The following AR variants were observed in gnomAD, a reference collection of about 807,000 sequenced individuals.
AR encodes androgen receptor, also known as dihydrotestosterone receptor.
AR carries 8 observed loss-of-function variants against 53.9 expected under a neutral mutation model. The observed-to-expected ratio is 0.15, with a 90% confidence interval of 0.09 to 0.27. The LOEUF (loss-of-function observed/expected upper bound fraction) is 0.27, where lower values mean the gene tolerates loss of function less well. Ranked by LOEUF, AR falls within the 10% of genes least tolerant of loss-of-function variation. The pLI, the probability that AR is intolerant of heterozygous loss-of-function variation, is 1.00. For missense variants in AR, 639 were observed against 742.5 expected, an observed-to-expected ratio of 0.86 and a Z score of 1.62; for synonymous variants, 359 against 316.4, an observed-to-expected ratio of 1.13 and a Z score of -1.43.
chrX:67,645,593 A>T (rs1476699219), intron 2 of AR, among the ~76,000 whole-genome samples: 5 of 111,481 alleles, frequency 4.5e-5, no homozygotes, highest in African/African-American at 1.6e-4. Flanking sequence ...TGCCTGCTTG[A>T]AATATGAAAA....
intron 1 of AR, among the ~76,000 whole-genome samples, chrX:67,621,413 G>T (rs1363175862): frequency 9.0e-6 from 1 of 111,118 alleles, no homozygotes; most frequent in Admixed American, 9.6e-5. Context: ...AGAACATGCA[G>T]GTTTGTTACA....
At chrX:67,670,018 C>T (rs907341165) in intron 2 of AR, among the ~76,000 whole-genome samples, 32 of 96,465 alleles carry the variant, frequency 3.3e-4, no homozygotes, top group Non-Finnish European at 3.7e-4. Flanking sequence ...TTAATAAGAA[C>T]AATTATTATT....
intron 1 of AR, among the ~76,000 whole-genome samples, chrX:67,577,632 A>G (rs1198259425): frequency 9.0e-6 from 1 of 111,353 alleles, no homozygotes; most frequent in Non-Finnish European, 1.9e-5. Flanking sequence ...ATCCTCAACA[A>G]CACTCATTAT....
At chrX:67,661,055 A>G (rs1181635415) in intron 2 of AR, among the ~76,000 whole-genome samples, 3 of 111,908 alleles carry the variant, frequency 2.7e-5, no homozygotes, top group Non-Finnish European at 5.6e-5. Flanking sequence ...ATTTTTGCAC[A>G]TTGATTTTGT....
At chrX:67,703,739 G>T (rs1227093770) in intron 3 of AR, among the ~76,000 whole-genome samples, 1 of 111,596 alleles carries the variant, frequency 9.0e-6, no homozygotes, top group Non-Finnish European at 1.9e-5. Flanking sequence ...TTGGTGTGCT[G>T]CACCCATTAA....
At chrX:67,679,764 T>G (rs926345836) in intron 2 of AR, among the ~76,000 whole-genome samples, 1 of 112,042 alleles carries the variant, frequency 8.9e-6, no homozygotes, top group African/African-American at 3.2e-5. Flanking sequence ...TGTTGCCCAT[T>G]TTTCTATTGT....
At chrX:67,712,075 A>G (rs1488945497) in intron 4 of AR, among the ~76,000 whole-genome samples, 1 of 111,980 alleles carries the variant, frequency 8.9e-6, no homozygotes, top group Non-Finnish European at 1.9e-5. Context: ...AGTTTGACTG[A>G]CATTCTGTCT....
intron 1 of AR, among the ~76,000 whole-genome samples, chrX:67,614,157 T>C (rs1208566859): frequency 1.8e-5 from 2 of 111,655 alleles, no homozygotes; most frequent in Non-Finnish European, 3.8e-5. Context: ...GGGAAATAAA[T>C]GAAGTTAAAT....
chrX:67,695,004 C>T, intron 3 of AR: 1 of 899,890 alleles, frequency 1.1e-6, no homozygotes, highest in South Asian at 4.8e-5. Flanking sequence ...TGTAATGTGG[C>T]TTGGCATTGG....
intron 1 of AR, among the ~76,000 whole-genome samples, chrX:67,628,820 T>C (rs985248922): frequency 1.8e-5 from 2 of 111,920 alleles, no homozygotes; most frequent in Non-Finnish European, 3.8e-5. Context: ...CATCAATACC[T>C]AATTTATTGA....
intron 1 of AR, among the ~76,000 whole-genome samples, chrX:67,608,204 G>C (rs1356118731): frequency 1.8e-5 from 2 of 112,016 alleles, no homozygotes; most frequent in Non-Finnish European, 3.8e-5. Context: ...TAACCACATG[G>C]AAACTTTGCC....
chrX:67,578,928 A>T (rs899935702), intron 1 of AR, among the ~76,000 whole-genome samples: 4 of 112,196 alleles, frequency 3.6e-5, no homozygotes, highest in Non-Finnish European at 5.6e-5. Context: ...ATTTCTTGTA[A>T]TAATAATCTC....
In AR at chrX:67,725,320, G is replaced by A. The variant is rs190014544; in HGVS notation, c.*1479G>A. On this transcript the variant is annotated 3_prime_UTR_variant, in exon 8 of 8. Coordinates refer to ENST00000374690, the MANE Select transcript of AR (RefSeq NM_000044.6). ...AGCCCTTAGACAAACTGGAAAGAAG[G>A]CATCAAAGGGATCAGGCAAGCTGGG... 1.5e-3 allele frequency: 259 copies of A among 173,673 alleles called. No individual in the cohort carries two copies. The highest frequency in any genetic ancestry group is 7.3e-3 in the African/African-American group (248 of 33,856). The allele number at this position is 173,673 out of a possible 1,213,427, so 14.3% of individuals were successfully genotyped here.
chrX:67,715,330 C>T lies in AR; in HGVS notation c.2174-2148C>T, dbSNP rs749648783. ...TTCCAAGCAGGAACTACTCTGGGAT[C>T]TGAGGCTCCAGCCGGTCTGTCAGCG... On this transcript the variant is annotated intron_variant, in intron 4 of 7. Transcript: ENST00000374690. Among the ~76,000 whole-genome samples, 15 of 111,286 alleles carry T rather than the reference C, an allele frequency of 1.3e-4. No homozygotes were observed. In the South Asian group the frequency reaches 5.4e-3, roughly 40 times the overall value.
At chrX:67,559,423 T>C (rs140285158) in intron 1 of AR, among the ~76,000 whole-genome samples, 1 of 111,698 alleles carries the variant, frequency 9.0e-6, no homozygotes, top group African/African-American at 3.2e-5. Flanking sequence ...AATGTCAGCA[T>C]GTGGGATTTG....
rs746853821 is a variant in AR, at chrX:67,546,514, TGGCGGCGGCGGCGGCGGCGGC to T, written c.1400_1420del (p.Gly467_Gly473del). On this transcript the variant is annotated inframe_deletion, in exon 1 of 8. Coordinates refer to ENST00000374690, the MANE Select transcript of AR (RefSeq NM_000044.6). Reference sequence around the variant, plus strand: ...GACCGTGTGGTGGTGGTGGGGGTGGTGGCGGCGGCGGCGGCGGCGGCGGCGGCGGCGGCGGCGGCGGCGGCG... The same window carrying T: ...GACCGTGTGGTGGTGGTGGGGGTGGTGGCGGCGGCGGCGGCGGCGGCGGCG... 7,152 of 558,215 alleles carry T rather than the reference TGGCGGCGGCGGCGGCGGCGGC, an allele frequency of 0.013. 548 individuals carry two copies. Among genetic ancestry groups the T allele is most frequent in the Non-Finnish European group, 0.015 (6,205 of 414,652 alleles). 46.0% of individuals were successfully genotyped at this position (558,215 alleles called of 1,213,427 possible).
chrX:67,562,526 C>T (rs753881807), intron 1 of AR, among the ~76,000 whole-genome samples: 1 of 111,670 alleles, frequency 9.0e-6, no homozygotes, highest in Non-Finnish European at 1.9e-5. Context: ...AGGTGAAAAG[C>T]AGCTGATCCT....
intron 1 of AR, among the ~76,000 whole-genome samples, chrX:67,615,073 A>C (rs2147390390): frequency 9.0e-6 from 1 of 110,848 alleles, no homozygotes; most frequent in Non-Finnish European, 1.9e-5. Flanking sequence ...AAGAATGAAG[A>C]AAACTGAAGA....
Position 67,721,910 on chromosome X carries a change from A to G in AR, c.2396A>G (p.Gln799Arg), listed in dbSNP as rs2147535873. 8.3e-7 allele frequency: 1 copy of G among 1,211,489 alleles called. No individual in the cohort carries two copies. The highest frequency in any genetic ancestry group is 1.1e-6 in the Non-Finnish European group (1 of 895,401). Residue 799 changes from glutamine (Q) to arginine (R), a missense_variant, in exon 6 of 8, where the codon CAA becomes CGA. Physicochemically the swap from Gln to Arg is conservative, Grantham distance 43 (BLOSUM62 1). This residue lies in a region of AR where 95 missense variants were observed against 196.4 expected (regional missense o/e 0.48). Coordinates refer to ENST00000374690, the MANE Select transcript of AR (RefSeq NM_000044.6). ...RHLSQEFGWL[Q>R]ITPQEFLCMK... ...CTCTCTCAAGAGTTTGGATGGCTCC[A>G]AATCACCCCCCAGGAATTCCTGTGC...
Sources: allele counts gnomAD v4.1 joint callset (sites outside exome capture counted in the v4.1 genomes callset), GRCh38; gene constraint gnomAD v4.1.1; regional missense constraint gnomAD v4.1.1; transcripts MANE v1.5; gene names NCBI Gene and HGNC (gene_info 2026-07-23, HGNC 2026-07-21).